The following CREBBP variants were observed in gnomAD, a reference collection of about 807,000 sequenced individuals.
CREBBP encodes CREB-binding protein.
Under a neutral mutation model 265.0 loss-of-function variants are expected in CREBBP, and 19 were observed. The ratio of observed to expected loss-of-function variants is 0.07; its 90% confidence interval spans 0.05 to 0.11. The LOEUF is 0.11. CREBBP is among the 10% of genes least tolerant of loss of function. CREBBP has a pLI of 1.00. For missense variants in CREBBP, 2,525 were observed against 3,219.0 expected, an observed-to-expected ratio of 0.78 and a Z score of 5.22; for synonymous variants, 1,457 against 1,223.7, an observed-to-expected ratio of 1.19 and a Z score of -3.98.
chr16:3,746,378 C>T (rs545081634), intron 21 of CREBBP, among the ~76,000 whole-genome samples: 9 of 152,116 alleles, frequency 5.9e-5, no homozygotes, highest in Admixed American at 5.9e-4. Context: ...ACACAAATGG[C>T]GGCACCCGTT....
chr16:3,836,264 T>A (rs950062317), intron 2 of CREBBP, among the ~76,000 whole-genome samples: 2 of 151,538 alleles, frequency 1.3e-5, no homozygotes, highest in African/African-American at 2.4e-5. Flanking sequence ...TGAAACCCTA[T>A]CTCTACCAAA....
Position 3,844,625 on chromosome 16 carries a change from A to C in CREBBP, c.798+5672T>G, listed in dbSNP as rs144102446. Among the ~76,000 whole-genome samples the C allele has an allele frequency of 9.0e-3, 1,373 of 152,342 alleles. 13 individuals are homozygous for C. The highest frequency in any genetic ancestry group is 0.031 in the African/African-American group (1,273 of 41,580). On this transcript the variant is annotated intron_variant, in intron 2 of 30. Coordinates refer to ENST00000262367, the MANE Select transcript of CREBBP (RefSeq NM_004380.3). ...CGAGACAGGGATGCCTAAGAGCATA[A>C]ACACTGGCAAAAAATATTGGCAAGG...
At chr16:3,849,424 T>TG (rs2054747128) in intron 2 of CREBBP, among the ~76,000 whole-genome samples, 6 of 7,402 alleles carry the variant, frequency 8.1e-4, no homozygotes, top group Non-Finnish European at 6.4e-3. Context: ...TGTGTGTGTG[T>TG]GTGTGTGTGT....
At position 3,725,314 on chromosome 16, in the gene CREBBP, A is replaced by G; in HGVS notation, c.*2404T>C. The G allele has an allele frequency of 4.3e-6, 1 of 233,308 alleles. No individual in the cohort carries two copies. The highest frequency in any genetic ancestry group is 8.5e-6 in the Non-Finnish European group (1 of 118,032). The allele number at this position is 233,308 out of a possible 1,614,324, so 14.5% of individuals were successfully genotyped here. On this transcript the variant is annotated 3_prime_UTR_variant, in exon 31 of 31. Coordinates refer to ENST00000262367, the MANE Select transcript of CREBBP (RefSeq NM_004380.3). ...GCACAGGATGCAGACTCCAAAGAGG[A>G]TGAGGTTGGTACATAACGTTTTGAA... is the stretch of plus-strand genomic sequence containing the variant.
At chr16:3,759,742 T>A (rs545202812) in intron 16 of CREBBP, among the ~76,000 whole-genome samples, 131 of 152,322 alleles carry the variant, frequency 8.6e-4, no homozygotes, top group Non-Finnish European at 2.2e-4. Context: ...AAAGCATTTT[T>A]ATAAAAAGTT....
At chr16:3,849,484 T>TG (rs2054778384) in intron 2 of CREBBP, among the ~76,000 whole-genome samples, 2 of 125,054 alleles carry the variant, frequency 1.6e-5, no homozygotes, top group Non-Finnish European at 3.4e-5. Flanking sequence ...TGTGTGTGTG[T>TG]GTGTGATGTG....
At chr16:3,872,534 T>A (rs2055321645) in intron 1 of CREBBP, among the ~76,000 whole-genome samples, 3 of 152,144 alleles carry the variant, frequency 2.0e-5, no homozygotes, top group African/African-American at 7.2e-5. Context: ...GAAAGCCAAG[T>A]TTGAGCCTGA....
intron 19 of CREBBP, among the ~76,000 whole-genome samples, chr16:3,753,793 G>C (rs2052527531): frequency 6.6e-6 from 1 of 152,040 alleles, no homozygotes; most frequent in Admixed American, 6.6e-5. Context: ...TCCTAATTGA[G>C]TGCCCCATTC....
chr16:3,744,813 G>A (rs1198092873), intron 23 of CREBBP, 81 bp downstream of exon 23: 4 of 1,084,162 alleles, frequency 3.7e-6, no homozygotes, highest in Non-Finnish European at 2.9e-6. Context: ...TGTGTTGAGA[G>A]GAACCAAAGA....
chr16:3,792,156 A>T (rs1596944455), intron 4 of CREBBP, 62 bp from the exon 5 acceptor site: 1 of 1,292,528 alleles, frequency 7.7e-7, no homozygotes, highest in Non-Finnish European at 1.1e-6. Flanking sequence ...TTTCAATTAT[A>T]CCTAAATTAT....
intron 28 of CREBBP, among the ~76,000 whole-genome samples, chr16:3,732,733 T>C (rs1466331349): frequency 6.6e-6 from 1 of 151,780 alleles, no homozygotes; most frequent in African/African-American, 2.4e-5. Context: ...AGAGTCTCGC[T>C]CTTGTCACCC....
chr16:3,749,124 G>A (rs2052416876), intron 21 of CREBBP, among the ~76,000 whole-genome samples: 2 of 152,176 alleles, frequency 1.3e-5, no homozygotes, highest in South Asian at 4.1e-4. Context: ...TCCAGCCTCG[G>A]GGACAGAGCG....
intron 19 of CREBBP, among the ~76,000 whole-genome samples, chr16:3,756,112 T>C (rs2052580178): frequency 6.6e-6 from 1 of 152,212 alleles, no homozygotes; most frequent in African/African-American, 2.4e-5. Context: ...AAAAGCCTTC[T>C]GTCTTCTTTG....
chr16:3,846,015 G>A (rs1367604817), intron 2 of CREBBP, among the ~76,000 whole-genome samples: 1 of 151,866 alleles, frequency 6.6e-6, no homozygotes, highest in African/African-American at 2.4e-5. Context: ...GGAAATAAAT[G>A]GATAAATGTG....
At chr16:3,821,485 C>A (rs1245934718) in intron 2 of CREBBP, among the ~76,000 whole-genome samples, 2 of 152,172 alleles carry the variant, frequency 1.3e-5, no homozygotes, top group Non-Finnish European at 2.9e-5. Flanking sequence ...GACACCACTT[C>A]CCAGAGTATT....
At position 3,757,395 on chromosome 16, in the gene CREBBP, A is replaced by G. The variant is rs2052612293; in HGVS notation, c.3610-19T>C. ...ACTCATACTGCAAAAATAAAGGAGA[A>G]ATACTTTTATATAAAAATACATTCC... On this transcript the variant is annotated intron_variant, in intron 18 of 30. Coordinates refer to ENST00000262367, the MANE Select transcript of CREBBP (RefSeq NM_004380.3). 1 of 1,574,574 alleles carries G rather than the reference A, an allele frequency of 6.4e-7. No homozygotes were observed. Among genetic ancestry groups the G allele is most frequent in the Non-Finnish European group, 8.7e-7 (1 of 1,147,720 alleles).
chr16:3,792,999 C>T (rs781315901), intron 4 of CREBBP, among the ~76,000 whole-genome samples: 29 of 152,294 alleles, frequency 1.9e-4, no homozygotes, highest in Middle Eastern at 3.4e-3. Flanking sequence ...GCAGGAAGGG[C>T]GTGTGCCTGC....
intron 3 of CREBBP, among the ~76,000 whole-genome samples, chr16:3,796,395 T>C (rs1250780491): frequency 6.6e-6 from 1 of 151,654 alleles, no homozygotes; most frequent in African/African-American, 2.4e-5. Context: ...TACTTTTTTT[T>C]TTTTTTTTGA....
chr16:3,827,275 T>C lies in CREBBP; in HGVS notation c.799-16496A>G, dbSNP rs541765465. Among the ~76,000 whole-genome samples the C allele has an allele frequency of 3.3e-5, 5 of 152,172 alleles. No homozygotes were observed. The East Asian group carries it at 9.6e-4, about 29-fold the overall frequency. ...ATGAAAACACAGATGTTGGTTATACTATCCTTTGTTCTTGTGTTGAAAATT... is the reference window on the plus strand; with the variant it reads ...ATGAAAACACAGATGTTGGTTATACCATCCTTTGTTCTTGTGTTGAAAATT... On this transcript the variant is annotated intron_variant, in intron 2 of 30. Transcript: ENST00000262367.
Sources: allele counts gnomAD v4.1 joint callset (sites outside exome capture counted in the v4.1 genomes callset), GRCh38; gene constraint gnomAD v4.1.1; transcripts MANE v1.5; gene names NCBI Gene and HGNC (gene_info 2026-07-23, HGNC 2026-07-21).